Variants in COL25A1 observed in about 807,000 individuals in gnomAD.
The protein encoded by COL25A1 is collagen alpha-1(XXV) chain.
COL25A1 carries 103 observed loss-of-function variants against 128.4 expected under a neutral mutation model. The observed-to-expected ratio is 0.80, with a 90% CI of 0.68 to 0.94. The LOEUF (loss-of-function observed/expected upper bound fraction) is 0.94, where lower values mean the gene tolerates loss of function less well. Among genes scored for constraint, COL25A1 ranks in the 40% least tolerant of loss-of-function variants. The probability of loss-of-function intolerance (pLI) is 0.00; values close to 1 mark genes in which losing one functional copy is unlikely to be tolerated. For synonymous variants in COL25A1, 279 were observed against 277.2 expected (o/e 1.01, Z -0.06); for missense variants, 745 against 840.0 (o/e 0.89, Z 1.40).
intron 21 of COL25A1, 127 bp from the exon 22 acceptor site, chr4:108,862,672 T>C (rs1219335636): frequency 1.4e-6 from 1 of 733,650 alleles, no homozygotes; most frequent in Admixed American, 2.1e-5. Flanking sequence ...ACTGCCTCAA[T>C]ATATGGCTCT....
At chr4:108,868,150 GTTC>G (rs1001043241) in intron 20 of COL25A1, among the ~76,000 whole-genome samples, 1 of 152,124 alleles carries the variant, frequency 6.6e-6, no homozygotes, top group Non-Finnish European at 1.5e-5. Flanking sequence ...GAGTTAATGA[GTTC>G]TATCTCTCCT....
chr4:108,844,421 C>G, intron 30 of COL25A1, 98 bp downstream of exon 30: 1 of 1,603,752 alleles, frequency 6.2e-7, no homozygotes, highest in Non-Finnish European at 8.5e-7. Context: ...GAGAGTAGTA[C>G]AAAATACAAG....
intron 3 of COL25A1, among the ~76,000 whole-genome samples, chr4:109,180,608 T>C (rs1409245976): frequency 1.3e-5 from 2 of 152,056 alleles, no homozygotes; most frequent in African/African-American, 4.8e-5. Flanking sequence ...ATGATGATTA[T>C]ATAAGGGCTT....
chr4:108,978,516 T>C (rs1752657932), intron 6 of COL25A1, among the ~76,000 whole-genome samples: 2 of 152,106 alleles, frequency 1.3e-5, no homozygotes, highest in East Asian at 3.9e-4. Flanking sequence ...AACATTACCC[T>C]TTAAAATTAA....
chr4:108,831,673 A>G (rs1382700999), intron 32 of COL25A1, among the ~76,000 whole-genome samples: 1 of 133,392 alleles, frequency 7.5e-6, no homozygotes, highest in Non-Finnish European at 1.6e-5. Flanking sequence ...AGAAAAACAG[A>G]AAGAGAGAGA....
chr4:109,231,109 C>T (rs1286581880), intron 3 of COL25A1, among the ~76,000 whole-genome samples: 2 of 151,752 alleles, frequency 1.3e-5, no homozygotes, highest in Non-Finnish European at 2.9e-5. Context: ...CCACTGCACT[C>T]CAGCCTGGGA....
chr4:109,048,214 G>GAGTT, intron 4 of COL25A1, 39 bp from the exon 5 acceptor site: 1 of 1,584,176 alleles, frequency 6.3e-7, no homozygotes, highest in Non-Finnish European at 8.7e-7. Flanking sequence ...AGAGAGAGAG[G>GAGTT]AGTTAGTGAA....
intron 3 of COL25A1, among the ~76,000 whole-genome samples, chr4:109,175,749 T>C (rs948504277): frequency 6.6e-6 from 1 of 152,204 alleles, no homozygotes; most frequent in East Asian, 1.9e-4. Flanking sequence ...CAAAATGCCA[T>C]AGTAGAGTTG....
At chr4:109,036,574 G>C (rs1346492680) in intron 5 of COL25A1, among the ~76,000 whole-genome samples, 1 of 152,170 alleles carries the variant, frequency 6.6e-6, no homozygotes, top group Non-Finnish European at 1.5e-5. Context: ...CACATAACTG[G>C]AAGTGGAAGT....
intron 3 of COL25A1, among the ~76,000 whole-genome samples, chr4:109,117,196 A>G (rs890957648): frequency 5.3e-5 from 8 of 152,046 alleles, no homozygotes. Flanking sequence ...CTAGGTATAC[A>G]TATCACATTC....
At chr4:109,198,969 T>C (rs1170659233) in intron 3 of COL25A1, among the ~76,000 whole-genome samples, 2 of 152,090 alleles carry the variant, frequency 1.3e-5, no homozygotes, top group African/African-American at 4.8e-5. Context: ...AAGACCCTAT[T>C]GGGATAGCAG....
intron 3 of COL25A1, among the ~76,000 whole-genome samples, chr4:109,183,448 G>T (rs1222462146): frequency 6.6e-6 from 1 of 152,114 alleles, no homozygotes; most frequent in Admixed American, 6.6e-5. Flanking sequence ...TGAGAAAAAT[G>T]CAAAGACTTT....
chr4:109,000,357 C>A (rs930681295), intron 6 of COL25A1, among the ~76,000 whole-genome samples: 3 of 152,044 alleles, frequency 2.0e-5, no homozygotes, highest in African/African-American at 4.8e-5. Flanking sequence ...GAGTAACTTG[C>A]CAAAGATAGA....
chr4:109,206,925 C>A (rs1284550293), intron 3 of COL25A1, among the ~76,000 whole-genome samples: 1 of 152,136 alleles, frequency 6.6e-6, no homozygotes, highest in Non-Finnish European at 1.5e-5. Flanking sequence ...TCCAACTCAA[C>A]CAAATGAACG....
At chr4:108,835,475 T>C (rs1449305051) in intron 31 of COL25A1, among the ~76,000 whole-genome samples, 1 of 152,196 alleles carries the variant, frequency 6.6e-6, no homozygotes, top group African/African-American at 2.4e-5. Context: ...TTATTCTACA[T>C]ACATTTTGAG....
intron 26 of COL25A1, among the ~76,000 whole-genome samples, chr4:108,849,492 G>A (rs1002978866): frequency 6.6e-6 from 1 of 152,088 alleles, no homozygotes; most frequent in African/African-American, 2.4e-5. Context: ...AGAGATTTTT[G>A]TTTGCTTTTT....
At chr4:109,024,477 T>TA (rs1410432109) in intron 5 of COL25A1, among the ~76,000 whole-genome samples, 1 of 151,708 alleles carries the variant, frequency 6.6e-6, no homozygotes, top group Non-Finnish European at 1.5e-5. Context: ...TAAATCTATC[T>TA]AAAAAAAGAA....
intron 3 of COL25A1, among the ~76,000 whole-genome samples, chr4:109,206,627 C>T (rs1005308901): frequency 6.6e-6 from 1 of 152,168 alleles, no homozygotes; most frequent in African/African-American, 2.4e-5. Context: ...AGATGCTGCT[C>T]TATTTGGCCA....
At chr4:108,958,719 G>T (rs993160333) in intron 8 of COL25A1, among the ~76,000 whole-genome samples, 1 of 151,818 alleles carries the variant, frequency 6.6e-6, no homozygotes, top group Non-Finnish European at 1.5e-5. Flanking sequence ...CTACAACTGT[G>T]CTAACTTTCT....
Sources: allele counts gnomAD v4.1 joint callset (sites outside exome capture counted in the v4.1 genomes callset), GRCh38; gene constraint gnomAD v4.1.1; transcripts MANE v1.5; gene names NCBI Gene and HGNC (gene_info 2026-07-23, HGNC 2026-07-21).